The following ABCA1 variants were observed in gnomAD, a reference collection of about 807,000 sequenced individuals.
ABCA1 encodes phospholipid-transporting ATPase ABCA1.
In ABCA1, 133 loss-of-function variants were observed where a neutral mutation model predicts 262.5. That is an observed-to-expected ratio of 0.51 (90% confidence interval 0.44 to 0.59). ABCA1 has a LOEUF of 0.59. Among genes scored for constraint, ABCA1 ranks in the 20% least tolerant of loss-of-function variants. ABCA1 has a pLI of 0.00. For synonymous variants in ABCA1, 1,022 were observed against 1,043.5 expected, an observed-to-expected ratio of 0.98 and a Z score of 0.40; for missense variants, 2,452 against 2,777.5, an observed-to-expected ratio of 0.88 and a Z score of 2.63.
intron 5 of ABCA1, among the ~76,000 whole-genome samples, chr9:104,875,991 G>T (rs1838132583): frequency 6.6e-6 from 1 of 152,154 alleles, no homozygotes; most frequent in African/African-American, 2.4e-5. Flanking sequence ...AGAGTTAAAA[G>T]GTACTGGTGT....
chr9:104,883,684 A>G (rs559272429), intron 4 of ABCA1, among the ~76,000 whole-genome samples: 2 of 145,292 alleles, frequency 1.4e-5, no homozygotes, highest in South Asian at 2.3e-4. Context: ...CATGGAGGCT[A>G]CAAAGCCAGT....
intron 2 of ABCA1, among the ~76,000 whole-genome samples, chr9:104,902,405 GATA>G (rs1840738018): frequency 6.6e-6 from 1 of 152,164 alleles, no homozygotes; most frequent in African/African-American, 2.4e-5. Context: ...ATTAGCACAT[GATA>G]ATATAGACTG....
intron 6 of ABCA1, among the ~76,000 whole-genome samples, chr9:104,860,130 C>T (rs890348956): frequency 6.6e-6 from 1 of 151,424 alleles, no homozygotes; most frequent in Non-Finnish European, 1.5e-5. Context: ...CCCAATCATG[C>T]TTTGTTCCCT....
chr9:104,862,914 T>G (rs1836764704), intron 5 of ABCA1, among the ~76,000 whole-genome samples: 1 of 150,710 alleles, frequency 6.6e-6, no homozygotes, highest in African/African-American at 2.4e-5. Context: ...ATTCCAAACA[T>G]AAAACATGTG....
In ABCA1 at chr9:104,845,512, T is replaced by C. The variant is rs778741247; in HGVS notation, c.778A>G (p.Thr260Ala). The C allele has an allele frequency of 2.5e-6, 4 of 1,613,852 alleles. No individual in the cohort carries two copies. The highest frequency in any genetic ancestry group is 1.7e-5 in the Admixed American group (1 of 60,000). The change falls in exon 8 of 50, where the codon ACA (threonine) becomes GCA (alanine). Residue 260 changes from threonine to alanine, a missense_variant. By Grantham distance (58) the Thr-to-Ala change is moderately conservative. This residue lies in a region of ABCA1 where 1,032 missense variants were observed against 1,089.7 expected (regional missense o/e 0.95). Coordinates refer to ENST00000374736, the MANE Select transcript of ABCA1 (RefSeq NM_005502.4). Reference sequence around the variant, plus strand: ...AGAGTCCCAAGACTATGCAGCAATGTTTTTGTGGCTTCAGCCAGCTCCTTG... The same window carrying C: ...AGAGTCCCAAGACTATGCAGCAATGCTTTTGTGGCTTCAGCCAGCTCCTTG... The part of the protein sequence containing the change: ...PSKELAEATK[T>A]LLHSLGTLAQ...
At chr9:104,822,822 G>C (rs1452894211) in intron 18 of ABCA1, among the ~76,000 whole-genome samples, 155 bp from the exon 19 acceptor site, 1 of 152,118 alleles carries the variant, frequency 6.6e-6, no homozygotes, top group Non-Finnish European at 1.5e-5. Context: ...TGTTTATTTA[G>C]GGCCTATTTG....
intron 5 of ABCA1, among the ~76,000 whole-genome samples, chr9:104,867,805 CAG>C (rs1837228729): frequency 6.6e-6 from 1 of 152,150 alleles, no homozygotes; most frequent in East Asian, 1.9e-4. Flanking sequence ...CCACACAAGA[CAG>C]GGAATACTTC....
intron 5 of ABCA1, among the ~76,000 whole-genome samples, chr9:104,870,883 G>C (rs957075207): frequency 5.9e-5 from 9 of 152,120 alleles, no homozygotes; most frequent in African/African-American, 1.9e-4. Context: ...GGTGCTCAGT[G>C]GGGGAGCTTC....
intron 15 of ABCA1, 69 bp from the exon 16 acceptor site, chr9:104,827,238 GAA>G: frequency 7.5e-7 from 1 of 1,338,468 alleles, no homozygotes; most frequent in Non-Finnish European, 1.1e-6. Flanking sequence ...ATGATCTACA[GAA>G]AAAAGACAGG....
At chr9:104,924,479 A>G (rs575242784) in intron 1 of ABCA1, among the ~76,000 whole-genome samples, 1 of 152,020 alleles carries the variant, frequency 6.6e-6, no homozygotes, top group East Asian at 1.9e-4. Context: ...GTGTGGTGGC[A>G]CGCACCTGTA....
rs557439799 is a variant in ABCA1 at position 104,902,880 on chromosome 9, A to G, written c.66+734T>C. ...GAATCCAGGAAAAAAAAATAAAGGCAGAACAGGAACAAGAGACTTAGAAAC... is the reference window on the plus strand; with the variant it reads ...GAATCCAGGAAAAAAAAATAAAGGCGGAACAGGAACAAGAGACTTAGAAAC... On this transcript the variant is annotated intron_variant, in intron 2 of 49. Coordinates refer to ENST00000374736, the MANE Select transcript of ABCA1 (RefSeq NM_005502.4). Among the ~76,000 whole-genome samples, 19 of 152,314 alleles carry G rather than the reference A, an allele frequency of 1.2e-4. No individual in the cohort carries two copies. The East Asian group carries it at 1.7e-3, about 14-fold the overall frequency.
intron 2 of ABCA1, among the ~76,000 whole-genome samples, chr9:104,897,411 A>C (rs1336595020): frequency 6.6e-6 from 1 of 152,234 alleles, no homozygotes; most frequent in African/African-American, 2.4e-5. Flanking sequence ...TAATACAAAA[A>C]TAATAAAAGA....
At chr9:104,907,793 G>C (rs1004465084) in intron 1 of ABCA1, among the ~76,000 whole-genome samples, 1 of 152,230 alleles carries the variant, frequency 6.6e-6, no homozygotes, top group Non-Finnish European at 1.5e-5. Flanking sequence ...GGGCCATGCA[G>C]TCGACTTCCC....
chr9:104,874,245 G>A (rs1315298408), intron 5 of ABCA1, among the ~76,000 whole-genome samples: 2 of 152,202 alleles, frequency 1.3e-5, no homozygotes, highest in Non-Finnish European at 2.9e-5. Context: ...ATATCAGAAA[G>A]GCCAAACAGG....
At chr9:104,862,644 CGG>C (rs1491173099) in intron 5 of ABCA1, among the ~76,000 whole-genome samples, 20 of 7,510 alleles carry the variant, frequency 2.7e-3, no homozygotes, top group Non-Finnish European at 4.3e-3. Flanking sequence ...CGGGCCGGGC[CGG>C]GCCGGGCCGG....
Position 104,783,993 on chromosome 9 carries a change from C to CAA in ABCA1, c.*320_*321dup, listed in dbSNP as rs557492263. 2.3e-3 allele frequency: 308 copies of CAA among 134,882 alleles called. No individual in the cohort carries two copies. The highest frequency in any genetic ancestry group is 3.4e-3 in the East Asian group (23 of 6,820). 8.4% of individuals were successfully genotyped at this position (134,882 alleles called of 1,614,324 possible). A position where few individuals can be genotyped will look rare whatever the true frequency, so the allele number is the denominator to read the frequency against. On this transcript the variant is annotated 3_prime_UTR_variant, in exon 50 of 50. Transcript: ENST00000374736. ...CAACCCCAATGAGAATACACAGGAA[C>CAA]AAAAAAAAAAAAAAAAGTGTGAGTT...
chr9:104,817,549 C>T lies in ABCA1; in HGVS notation c.3463-145G>A, dbSNP rs1205243932. The T allele has an allele frequency of 1.1e-5, 10 of 876,530 alleles. No individual in the cohort carries two copies. The highest frequency in any genetic ancestry group is 1.7e-5 in the African/African-American group (1 of 60,300). The allele number at this position is 876,530 out of a possible 1,614,324, so 54.3% of individuals were successfully genotyped here. On this transcript the variant is annotated intron_variant, in intron 23 of 49. Transcript: ENST00000374736. The surrounding 1 kb of genome is among the most constrained non-coding windows in gnomAD (Gnocchi z 4.7). ...TCCCTGGGACACATGCACTGGCAGC[C>T]GTGGCTTCAGAGGACCCTGTCTGGC... is the stretch of plus-strand genomic sequence containing the variant.
At chr9:104,801,240 G>T (rs1055110474) in intron 34 of ABCA1, among the ~76,000 whole-genome samples, 2 of 152,008 alleles carry the variant, frequency 1.3e-5, no homozygotes, top group Non-Finnish European at 2.9e-5. Context: ...CTTTTTTTGA[G>T]ATGGAGTCTT....
At chr9:104,786,457 G>A (rs1179308108) in intron 47 of ABCA1, 67 bp from the exon 48 acceptor site, 1 of 1,358,006 alleles carries the variant, frequency 7.4e-7, no homozygotes, top group Non-Finnish European at 1.1e-6. Context: ...ACATCACCAT[G>A]ACTTCCAGCA....
Sources: gnomAD v4.1 joint callset for allele counts (sites outside exome capture counted in the v4.1 genomes callset) on GRCh38, gnomAD v4.1.1 for gene constraint, gnomAD v4.1.1 regional missense constraint, Gnocchi (gnomAD v3.1) non-coding constraint, MANE v1.5 for transcripts, NCBI Gene and HGNC (gene_info 2026-07-23, HGNC 2026-07-21) for gene names.